The following SMC1B variants were observed in gnomAD, a reference collection of about 807,000 sequenced individuals.
The protein encoded by SMC1B is structural maintenance of chromosomes 1B, also known as structural maintenance of chromosomes protein 1B.
A neutral mutation model predicts 157.9 loss-of-function variants in SMC1B; 60 were observed. The ratio of observed to expected loss-of-function variants is 0.38; its 90% CI spans 0.31 to 0.47. The LOEUF is 0.47. Ranked by LOEUF, SMC1B falls within the 20% of genes least tolerant of loss-of-function variation. SMC1B has a pLI of 0.99. For missense variants in SMC1B, 1,165 were observed against 1,426.2 expected (o/e 0.82, Z 2.95); for synonymous variants, 445 against 483.0 (o/e 0.92, Z 1.03).
Position 45,369,992 on chromosome 22 carries a change from G to A in SMC1B, c.2382C>T (p.Asn794=). ...IGVENIREFE[N]KHVKRQQEID... ...TTTCTTGTTGCCGTTTAACATGTTT[G>A]TTCTCAAATTCACGAATATTTTCCA... The change falls in exon 15 of 25, where the codon AAC becomes AAT. Residue 794 remains asparagine, a synonymous_variant. Coordinates refer to ENST00000357450, the MANE Select transcript of SMC1B (RefSeq NM_148674.5). The A allele has an allele frequency of 1.3e-6, 2 of 1,596,426 alleles. No individual in the cohort carries two copies. The highest frequency in any genetic ancestry group is 1.7e-6 in the Non-Finnish European group (2 of 1,170,966).
intron 12 of SMC1B, among the ~76,000 whole-genome samples, chr22:45,381,767 T>G (rs1350966751): frequency 6.6e-6 from 1 of 152,206 alleles, no homozygotes; most frequent in Non-Finnish European, 1.5e-5. Context: ...AGGCCTAAAT[T>G]TGTTAAAATC....
intron 12 of SMC1B, among the ~76,000 whole-genome samples, chr22:45,382,506 G>A (rs1449994591): frequency 2.0e-5 from 3 of 152,138 alleles, no homozygotes; most frequent in South Asian, 2.1e-4. Flanking sequence ...GGAATTCTGC[G>A]GGGTGAAGAA....
Position 45,372,175 on chromosome 22 carries a change from GCTT to G in SMC1B, c.2173_2175del (p.Lys725del). On this transcript the variant is annotated inframe_deletion, in exon 13 of 25. Transcript: ENST00000357450. ...ATTACCTGGTAAAAAGCAACAAGGT[GCTT>G]CTTCTTAATCATCTCTAGTTCATTT... 1 of 1,608,384 alleles carries G rather than the reference GCTT, an allele frequency of 6.2e-7. No individual in the cohort carries two copies. The highest frequency in any genetic ancestry group is 8.5e-7 in the Non-Finnish European group (1 of 1,178,040).
chr22:45,408,676 A>G, intron 2 of SMC1B, 34 bp downstream of exon 2: 2 of 1,482,700 alleles, frequency 1.3e-6, no homozygotes, highest in Non-Finnish European at 1.8e-6. Context: ...TTGACTCTTG[A>G]AAAATAAAAT....
At chr22:45,376,122 A>C (rs977789078) in intron 12 of SMC1B, among the ~76,000 whole-genome samples, 2 of 152,198 alleles carry the variant, frequency 1.3e-5, no homozygotes, top group Admixed American at 6.5e-5. Context: ...CTAAGTGTAC[A>C]GTTCAGTAGT....
rs1194224615 is a variant in SMC1B, at chr22:45,382,354, AAACAT to A, written c.2058+1108_2058+1112del. Among the ~76,000 whole-genome samples the A allele has an allele frequency of 3.9e-5, 6 of 152,360 alleles. 1 individual carries two copies. Among genetic ancestry groups the A allele is most frequent in the African/African-American group, 1.2e-4 (5 of 41,596 alleles). On this transcript the variant is annotated intron_variant, in intron 12 of 24. Coordinates refer to ENST00000357450, the MANE Select transcript of SMC1B (RefSeq NM_148674.5). Reference sequence around the variant, plus strand: ...TCAAAAATACTAAGCTAAGTGAAGAAAACATAACACAAAAGACTACTGACTGTATG... The same window carrying A: ...TCAAAAATACTAAGCTAAGTGAAGAAAACACAAAAGACTACTGACTGTATG...
chr22:45,394,755 GT>G lies in SMC1B; in HGVS notation c.1266del (p.Lys422AsnfsTer3). Reference sequence around the variant, plus strand: ...TGATCTTCTATTTGTTCTTTTATTTGTTTTAGATTTCCCTAAAAGAGGAAAT... The same window carrying G: ...TGATCTTCTATTTGTTCTTTTATTTGTTTAGATTTCCCTAAAAGAGGAAAT... ...RRHGEVQGNL[K>X]QIKEQIEDHK... On this transcript the variant is annotated frameshift_variant, in exon 8 of 25. Transcript: ENST00000357450. LOFTEE classifies it high-confidence loss of function. 6.5e-7 allele frequency: 1 copy of G among 1,539,522 alleles called. No homozygotes were observed. The highest frequency in any genetic ancestry group is 8.8e-7 in the Non-Finnish European group (1 of 1,137,402).
Position 45,370,376 on chromosome 22 carries a change from T to C in SMC1B, c.2314-316A>G, listed in dbSNP as rs1181816502. 5.9e-5 allele frequency among the ~76,000 whole-genome samples: 9 copies of C among 152,266 alleles called. No homozygotes were observed. In the East Asian group the frequency reaches 1.5e-3, roughly 26 times the overall value. Reference sequence around the variant, plus strand: ...ACCCACAAAAATATTACATTCTACATAAATAAAGGAAAGATTCTTTATGTA... The same window carrying C: ...ACCCACAAAAATATTACATTCTACACAAATAAAGGAAAGATTCTTTATGTA... On this transcript the variant is annotated intron_variant, in intron 14 of 24. Coordinates refer to ENST00000357450, the MANE Select transcript of SMC1B (RefSeq NM_148674.5).
At chr22:45,352,973 A>C (rs982022407) in intron 21 of SMC1B, among the ~76,000 whole-genome samples, 3 of 152,204 alleles carry the variant, frequency 2.0e-5, no homozygotes, top group African/African-American at 7.2e-5. Flanking sequence ...AACAGAGATG[A>C]ATCTTGTTTT....
At chr22:45,364,691 T>C (rs1287387541) in intron 15 of SMC1B, among the ~76,000 whole-genome samples, 1 of 152,214 alleles carries the variant, frequency 6.6e-6, no homozygotes, top group Non-Finnish European at 1.5e-5. Context: ...ACAGATGATG[T>C]AGAAGTGGAA....
chr22:45,393,621 T>G lies in SMC1B; in HGVS notation c.1545+13A>C. ...AGTTTTTTTTGTTTAAATTAACTAT[T>G]CATTCTCATTACCACAGAATCTGGG... is the stretch of plus-strand genomic sequence containing the variant. On this transcript the variant is annotated intron_variant, in intron 9 of 24. Coordinates refer to ENST00000357450, the MANE Select transcript of SMC1B (RefSeq NM_148674.5). The G allele has an allele frequency of 6.3e-7, 1 of 1,587,490 alleles. No individual in the cohort carries two copies. Among genetic ancestry groups the G allele is most frequent in the East Asian group, 2.2e-5 (1 of 44,710 alleles).
chr22:45,385,066 T>C (rs895238155), intron 11 of SMC1B, among the ~76,000 whole-genome samples: 10 of 152,146 alleles, frequency 6.6e-5, no homozygotes, highest in African/African-American at 2.4e-4. Context: ...CCAACCAGTC[T>C]ATAGGAGAAG....
intron 23 of SMC1B, 21 bp from the exon 24 acceptor site, chr22:45,345,590 C>A: frequency 1.4e-6 from 2 of 1,444,910 alleles, no homozygotes; most frequent in Non-Finnish European, 1.9e-6. Flanking sequence ...TAAAAACACA[C>A]ATTTCACTAG....
At chr22:45,399,436 T>A in intron 5 of SMC1B, 83 bp from the exon 6 acceptor site, 1 of 1,304,528 alleles carries the variant, frequency 7.7e-7, no homozygotes, top group Non-Finnish European at 1.0e-6. Flanking sequence ...ATCAAACCAC[T>A]TTAAAAAAGA....
chr22:45,398,272 G>C (rs919168892), intron 6 of SMC1B, among the ~76,000 whole-genome samples: 1 of 152,180 alleles, frequency 6.6e-6, no homozygotes, highest in Non-Finnish European at 1.5e-5. Flanking sequence ...AACACACCTG[G>C]TCCAGCTCCA....
intron 23 of SMC1B, among the ~76,000 whole-genome samples, chr22:45,346,337 C>CT (rs2086551947): frequency 6.6e-6 from 1 of 152,192 alleles, no homozygotes; most frequent in Admixed American, 6.5e-5. Context: ...GAGGTGAACT[C>CT]TGGTTCCCTA....
chr22:45,345,500 A>C lies in SMC1B; in HGVS notation c.3565T>G (p.Phe1189Val), dbSNP rs2086541901. 6.2e-7 allele frequency: 1 copy of C among 1,613,896 alleles called. No individual in the cohort carries two copies. The highest frequency in any genetic ancestry group is 1.3e-5 in the African/African-American group (1 of 74,950). The change falls in exon 24 of 25, where the codon TTC becomes GTC. Residue 1189 changes from phenylalanine (F) to valine (V), a missense_variant. Transcript: ENST00000357450. ...ATCAGCGCGTCGGCTCTGGAATAGA[A>C]CTCTTCTTTTAGGGAGATGACTATC... is the stretch of plus-strand genomic sequence containing the variant. ...QMIVISLKEEFYSRADALIGI... is the reference protein window; with the variant it reads ...QMIVISLKEEVYSRADALIGI...
intron 16 of SMC1B, 49 bp downstream of exon 16, chr22:45,362,836 A>C: frequency 6.7e-7 from 1 of 1,495,050 alleles, no homozygotes; most frequent in East Asian, 2.3e-5. Context: ...CACATGAAGG[A>C]AGTCATAATT....
At chr22:45,348,227 G>A (rs2146752049) in intron 23 of SMC1B, among the ~76,000 whole-genome samples, 1 of 152,298 alleles carries the variant, frequency 6.6e-6, no homozygotes, top group South Asian at 2.1e-4. Context: ...TCATGCTCAA[G>A]TACAGTAAAT....
Sources: gnomAD v4.1 joint callset for allele counts (sites outside exome capture counted in the v4.1 genomes callset) on GRCh38, gnomAD v4.1.1 for gene constraint, MANE v1.5 for transcripts, NCBI Gene and HGNC (gene_info 2026-07-23, HGNC 2026-07-21) for gene names.